The following ABCC9 variants were observed in gnomAD, a reference collection of about 807,000 sequenced individuals.
ABCC9 encodes the protein ATP binding cassette subfamily C member 9.
ABCC9 carries 95 observed loss-of-function variants against 188.3 expected under a neutral mutation model. That is an observed-to-expected ratio of 0.50 (90% CI 0.43 to 0.60). The LOEUF (loss-of-function observed/expected upper bound fraction) is 0.60, where lower values mean the gene tolerates loss of function less well. Ranked by LOEUF, ABCC9 falls within the 20% of genes least tolerant of loss-of-function variation. The pLI, the probability that ABCC9 is intolerant of heterozygous loss-of-function variation, is 0.00. For missense variants in ABCC9, 1,102 were observed against 1,876.3 expected, an observed-to-expected ratio of 0.59 and a Z score of 7.62; for synonymous variants, 659 against 652.7, an observed-to-expected ratio of 1.01 and a Z score of -0.15.
At chr12:21,910,401 T>C in intron 9 of ABCC9, 89 bp from the exon 10 acceptor site, 1 of 1,355,728 alleles carries the variant, frequency 7.4e-7, no homozygotes, top group Non-Finnish European at 1.0e-6. Context: ...AACAAACATT[T>C]AATTTTTTTG....
intron 31 of ABCC9, among the ~76,000 whole-genome samples, chr12:21,824,773 T>C (rs1195983617): frequency 6.6e-6 from 1 of 152,216 alleles, no homozygotes; most frequent in Non-Finnish European, 1.5e-5. Flanking sequence ...TCTAGTTTAT[T>C]TGCATAGAGG....
chr12:21,936,531 A>G lies in ABCC9; in HGVS notation c.142+2T>C, dbSNP rs373876069. ...TATAACATAAGATACTAGATTACTT[A>G]CCAATAAACAATATTGGAAAAGTGA... On this transcript the variant is annotated splice_donor_variant, in intron 3 of 39. Transcript: ENST00000261200. LOFTEE classifies it high-confidence loss of function. The G allele has an allele frequency of 6.2e-7, 1 of 1,609,622 alleles. No homozygotes were observed. The highest frequency in any genetic ancestry group is 1.1e-5 in the South Asian group (1 of 90,880).
rs538520169 is a variant in ABCC9, at chr12:21,863,017, G to A, written c.2275C>T (p.Pro759Ser). ...TCTACTGTAGCATTTAATAGCCAAG[G>A]CTTTTGAGCTGCATATGCCACAGAG... ...RYSVAYAAQK[P>S]WLLNATVEEN... The change falls in exon 20 of 40, where the codon CCT (proline) becomes TCT (serine). Residue 759 changes from proline (P) to serine (S), a missense_variant. By Grantham distance (74) the Pro-to-Ser change is moderately conservative. This residue lies in a region of ABCC9 where 258 missense variants were observed against 325.6 expected (regional missense o/e 0.79). Transcript: ENST00000261200. 2.5e-6 allele frequency: 4 copies of A among 1,612,686 alleles called. No individual in the cohort carries two copies. The highest frequency in any genetic ancestry group is 3.4e-6 in the Non-Finnish European group (4 of 1,179,324).
At chr12:21,918,192 AATT>A (rs1948675713) in intron 5 of ABCC9, among the ~76,000 whole-genome samples, 1 of 152,152 alleles carries the variant, frequency 6.6e-6, no homozygotes, top group Non-Finnish European at 1.5e-5. Context: ...ACTTCAAGAC[AATT>A]ATTATCAGAA....
At chr12:21,803,070 G>A (rs1345338582) in intron 39 of ABCC9, among the ~76,000 whole-genome samples, 2 of 151,320 alleles carry the variant, frequency 1.3e-5, no homozygotes, top group Admixed American at 6.6e-5. Flanking sequence ...CAAAGACCAC[G>A]ATTACTTTTG....
intron 29 of ABCC9, among the ~76,000 whole-genome samples, chr12:21,841,342 GTTTCC>G (rs1165494184): frequency 0.012 from 1,426 of 115,172 alleles, 267 homozygotes; most frequent in African/African-American, 0.043. Context: ...TATGTTTCTG[GTTTCC>G]TTTTTTTTTT....
At chr12:21,840,804 AG>A (rs777595081) in intron 29 of ABCC9, among the ~76,000 whole-genome samples, 7 of 152,260 alleles carry the variant, frequency 4.6e-5, no homozygotes, top group Non-Finnish European at 8.8e-5. Flanking sequence ...TGACATTTAA[AG>A]GATCCTAATT....
chr12:21,847,199 G>A (rs1306888861), intron 25 of ABCC9, among the ~76,000 whole-genome samples: 1 of 152,080 alleles, frequency 6.6e-6, no homozygotes, highest in East Asian at 1.9e-4. Context: ...GGCACAGTCA[G>A]CATCCCCACT....
At chr12:21,900,818 C>G (rs878963389) in intron 12 of ABCC9, among the ~76,000 whole-genome samples, 1 of 152,180 alleles carries the variant, frequency 6.6e-6, no homozygotes, top group Non-Finnish European at 1.5e-5. Context: ...AAGACCAAAT[C>G]TACGTCTGAT....
chr12:21,937,394 C>G (rs1223762524), intron 2 of ABCC9, among the ~76,000 whole-genome samples: 2 of 152,122 alleles, frequency 1.3e-5, no homozygotes, highest in African/African-American at 4.8e-5. Flanking sequence ...AATTGGTACT[C>G]CATGAGTAGA....
At position 21,917,119 on chromosome 12, in the gene ABCC9, CAAAA is replaced by C; in HGVS notation, c.407-20_407-17del. 6.2e-7 allele frequency: 1 copy of C among 1,612,386 alleles called. No individual in the cohort carries two copies. The highest frequency in any genetic ancestry group is 2.2e-5 in the East Asian group (1 of 44,832). ...AGGAACAGGGCTGAAAAGAAAAAGA[CAAAA>C]AGAGAAAGATGCAATCTTTTCTTAA... On this transcript the variant is annotated splice_polypyrimidine_tract_variant and intron_variant, in intron 5 of 39. Transcript: ENST00000261200.
At chr12:21,934,379 C>CAT in intron 3 of ABCC9, among the ~76,000 whole-genome samples, 2 of 152,214 alleles carry the variant, frequency 1.3e-5, no homozygotes, top group South Asian at 4.1e-4. Context: ...AACTCTTAAT[C>CAT]ATATGCACAT....
Position 21,926,117 on chromosome 12 carries a change from AT to A in ABCC9, c.285-55del, listed in dbSNP as rs532776579. 1,271 of 1,611,464 alleles carry A rather than the reference AT, an allele frequency of 7.9e-4. 7 individuals are homozygous for A. The African/African-American group carries it at 0.013, about 17-fold the overall frequency. ...AGCTGATGGTTCCAGATAATTTCTT[AT>A]TTTTTTTCAAATTTTTTCATAAGAA... On this transcript the variant is annotated intron_variant, in intron 4 of 39. Transcript: ENST00000261200.
At position 21,861,171 on chromosome 12, in the gene ABCC9, T is replaced by C. The variant is rs556121915; in HGVS notation, c.2340-116A>G. 69 of 805,914 alleles carry C rather than the reference T, an allele frequency of 8.6e-5. 1 individual carries two copies. The South Asian group carries it at 9.1e-4, about 11-fold the overall frequency. The allele number at this position is 805,914 out of a possible 1,614,324, so 49.9% of individuals were successfully genotyped here. A position where few individuals can be genotyped will look rare whatever the true frequency, so the allele number is the denominator to read the frequency against. On this transcript the variant is annotated intron_variant, in intron 20 of 39. Transcript: ENST00000261200. ...AAAACATTTGCTGAATCACTTATTA[T>C]ATGCCAGCCTCTGCTCTACATTTCT...
chr12:21,854,830 G>A (rs1945142155), intron 22 of ABCC9, among the ~76,000 whole-genome samples: 1 of 152,050 alleles, frequency 6.6e-6, no homozygotes, highest in Non-Finnish European at 1.5e-5. Flanking sequence ...TAACTTTGCA[G>A]TTACTTAAAA....
At chr12:21,866,658 T>C (rs1350979591) in intron 18 of ABCC9, among the ~76,000 whole-genome samples, 3 of 152,170 alleles carry the variant, frequency 2.0e-5, no homozygotes, top group African/African-American at 7.2e-5. Context: ...AATTAATAAA[T>C]GCAAGGGTCA....
chr12:21,821,767 G>T (rs564786173), intron 31 of ABCC9, among the ~76,000 whole-genome samples: 2 of 152,076 alleles, frequency 1.3e-5, no homozygotes, highest in Admixed American at 6.6e-5. Context: ...GAATTAAAAT[G>T]ATAATTCTGG....
intron 25 of ABCC9, among the ~76,000 whole-genome samples, chr12:21,846,625 C>T (rs1395296192): frequency 6.6e-6 from 1 of 152,084 alleles, no homozygotes. Context: ...GATGAGAAGA[C>T]TGAGCATCAC....
intron 7 of ABCC9, among the ~76,000 whole-genome samples, chr12:21,915,255 G>T (rs1321510561): frequency 8.5e-6 from 1 of 117,292 alleles, no homozygotes; most frequent in African/African-American, 3.2e-5. Flanking sequence ...GTGTGTGTGT[G>T]TGTGTGTATA....
Sources: gnomAD v4.1 joint callset for allele counts (sites outside exome capture counted in the v4.1 genomes callset) on GRCh38, gnomAD v4.1.1 for gene constraint, gnomAD v4.1.1 regional missense constraint, MANE v1.5 for transcripts, NCBI Gene and HGNC (gene_info 2026-07-23, HGNC 2026-07-21) for gene names.